Variants in CNIH3 observed in about 807,000 individuals in gnomAD.
CNIH3 encodes the protein protein cornichon homolog 3.
A neutral mutation model predicts 24.1 loss-of-function variants in CNIH3; 14 were observed. The ratio of observed to expected loss-of-function variants is 0.58; its 90% CI spans 0.38 to 0.91. The LOEUF is 0.91. CNIH3 is among the 40% of genes least tolerant of loss of function. CNIH3 has a pLI of 0.00. For missense variants in CNIH3, 178 were observed against 196.8 expected (o/e 0.90, Z 0.57); for synonymous variants, 68 against 73.8 (o/e 0.92, Z 0.40).
At chr1:224,593,401 C>G (rs1377647645), downstream of CNIH3, among the ~76,000 whole-genome samples, 3 of 152,126 alleles carry the variant, frequency 2.0e-5, 1 homozygote, top group Non-Finnish European at 1.5e-5. Flanking sequence ...TGGTCCATAC[C>G]TGGTTTTCAG....
intron 4 of CNIH3, among the ~76,000 whole-genome samples, chr1:224,571,553 C>T (rs113832956): frequency 7.6e-4 from 115 of 151,896 alleles, no homozygotes; most frequent in African/African-American, 2.7e-3. Flanking sequence ...GATGAAACCC[C>T]GTCTCTACTA....
chr1:224,685,890 A>G (rs1686631073), intron 3 of CNIH3, among the ~76,000 whole-genome samples: 1 of 152,186 alleles, frequency 6.6e-6, no homozygotes, highest in African/African-American at 2.4e-5. Context: ...ATATATGAAA[A>G]TATTTGTGAT....
intron 1 of CNIH3, among the ~76,000 whole-genome samples, chr1:224,639,764 G>A (rs984839945): frequency 1.3e-4 from 20 of 152,146 alleles, no homozygotes; most frequent in Admixed American, 2.6e-4. Flanking sequence ...CCACAGGCCA[G>A]AGCTTAACAT....
At chr1:224,713,937 C>G (rs1688292652) in intron 3 of CNIH3, among the ~76,000 whole-genome samples, 1 of 152,172 alleles carries the variant, frequency 6.6e-6, no homozygotes, top group Non-Finnish European at 1.5e-5. Context: ...ACCTCAGCCT[C>G]CCGAGTAGCT....
At chr1:224,445,574 TAAAAAAA>T (rs369951294) in intron 1 of CNIH3, among the ~76,000 whole-genome samples, 39 of 90,408 alleles carry the variant, frequency 4.3e-4, no homozygotes, top group East Asian at 6.5e-4. Context: ...GGACTCTGCT[TAAAAAAA>T]AAAAAAAAAA....
intron 1 of CNIH3, among the ~76,000 whole-genome samples, chr1:224,479,487 C>T (rs1676722335): frequency 6.6e-6 from 1 of 152,196 alleles, no homozygotes; most frequent in South Asian, 2.1e-4. Context: ...TCAGCATTAA[C>T]TCAAAAGTCC....
intron 1 of CNIH3, among the ~76,000 whole-genome samples, chr1:224,670,554 G>A (rs545180588): frequency 1.3e-5 from 2 of 152,340 alleles, no homozygotes; most frequent in South Asian, 4.1e-4. Context: ...GGCTCTGAGG[G>A]TGAGAGTGCC....
chr1:224,532,656 C>T (rs1235856515), intron 2 of CNIH3, among the ~76,000 whole-genome samples: 1 of 152,128 alleles, frequency 6.6e-6, no homozygotes, highest in Non-Finnish European at 1.5e-5. Context: ...CTAACATAGT[C>T]ACAAAGTCAG....
chr1:224,712,312 G>C (rs1017061765), intron 3 of CNIH3, among the ~76,000 whole-genome samples: 4 of 152,086 alleles, frequency 2.6e-5, no homozygotes, highest in Admixed American at 2.6e-4. Flanking sequence ...TAATATCTAC[G>C]AAGGGATTCT....
chr1:224,700,253 C>T (rs1561110), intron 3 of CNIH3, among the ~76,000 whole-genome samples: 76,197 of 151,918 alleles, frequency 0.5, 20,011 homozygotes, highest in Middle Eastern at 0.67. Context: ...TTAATAGGGT[C>T]TTGGCAATAA....
At chr1:224,640,837 G>A (rs999614652) in intron 1 of CNIH3, among the ~76,000 whole-genome samples, 9 of 152,092 alleles carry the variant, frequency 5.9e-5, no homozygotes, top group African/African-American at 1.9e-4. Flanking sequence ...CTGAGTGGTC[G>A]TTAAGGGGCA....
chr1:224,627,371 ACG>A (rs1683589621), intron 1 of CNIH3, among the ~76,000 whole-genome samples: 1 of 147,318 alleles, frequency 6.8e-6, no homozygotes, highest in African/African-American at 2.5e-5. Context: ...GATTACAGGC[ACG>A]TGCCACCACA....
chr1:224,518,786 C>G (rs953112760), intron 1 of CNIH3, among the ~76,000 whole-genome samples: 3 of 152,186 alleles, frequency 2.0e-5, no homozygotes, highest in Admixed American at 1.3e-4. Flanking sequence ...ACCCGTACAG[C>G]TCCAAAGGAC....
chr1:224,662,107 T>A (rs929144613), intron 1 of CNIH3, among the ~76,000 whole-genome samples: 3 of 152,166 alleles, frequency 2.0e-5, no homozygotes, highest in Non-Finnish European at 4.4e-5. Flanking sequence ...CATTCCATAA[T>A]TTTTTTACAA....
chr1:224,596,493 G>A (rs1681985545), intron 3 of CNIH3, among the ~76,000 whole-genome samples: 1 of 152,230 alleles, frequency 6.6e-6, no homozygotes, highest in African/African-American at 2.4e-5. Flanking sequence ...TTGTTTTCAT[G>A]CCTGCTTGCA....
chr1:224,529,525 G>T (rs916052969), intron 2 of CNIH3: 3 of 152,200 alleles, frequency 2.0e-5, no homozygotes, highest in Non-Finnish European at 4.4e-5. Context: ...TTAGCAAAAA[G>T]AGAGGGCTGT....
chr1:224,516,312 C>CAAA (rs71574505), intron 1 of CNIH3, among the ~76,000 whole-genome samples: 2 of 67,748 alleles, frequency 3.0e-5, no homozygotes, highest in African/African-American at 4.5e-5. Context: ...GACTCTGTCT[C>CAAA]AAAAAAAAAA....
At chr1:224,710,563 T>C (rs1036102168) in intron 3 of CNIH3, among the ~76,000 whole-genome samples, 1 of 152,330 alleles carries the variant, frequency 6.6e-6, no homozygotes, top group Admixed American at 6.5e-5. Flanking sequence ...CCTAAGGTAC[T>C]CTGTGACTTC....
At chr1:224,584,941 A>AC (rs1474086651) in intron 5 of CNIH3, among the ~76,000 whole-genome samples, 7 of 152,106 alleles carry the variant, frequency 4.6e-5, no homozygotes, top group Admixed American at 4.6e-4. Context: ...CTTCTAAAGA[A>AC]CCCCTCAAAC....
Sources: gnomAD v4.1 joint callset for allele counts (sites outside exome capture counted in the v4.1 genomes callset) on GRCh38, gnomAD v4.1.1 for gene constraint, MANE v1.5 for transcripts, NCBI Gene and HGNC (gene_info 2026-07-23, HGNC 2026-07-21) for gene names.